THOP1: variants seen among roughly 807,000 people sequenced by gnomAD.
THOP1 encodes thimet oligopeptidase.
A neutral mutation model predicts 71.8 loss-of-function variants in THOP1; 49 were observed. That is an observed-to-expected ratio of 0.68 (90% confidence interval 0.54 to 0.87). The LOEUF is 0.87. Among genes scored for constraint, THOP1 ranks in the 40% least tolerant of loss-of-function variants. The pLI, the probability that THOP1 is intolerant of heterozygous loss-of-function variation, is 0.00. For missense variants in THOP1, 843 were observed against 975.6 expected (o/e 0.86, Z 1.81); for synonymous variants, 426 against 421.5 (o/e 1.01, Z -0.13).
intron 4 of THOP1, among the ~76,000 whole-genome samples, chr19:2,798,823 AG>A (rs1310456770): frequency 6.6e-6 from 1 of 152,256 alleles, no homozygotes; most frequent in East Asian, 1.9e-4. Flanking sequence ...AGCTTCCAGC[AG>A]GAGAATCTGA....
rs113493416 is a variant in THOP1 at position 2,796,236 on chromosome 19, C to T, written c.486+48C>T. ...GCTGGGCGTGGGCAATGGTCGATCC[C>T]GGGGAGTGCTGGGCACAGGGAGTGC... On this transcript the variant is annotated intron_variant, in intron 4 of 12. Transcript: ENST00000307741. 1.1e-3 allele frequency: 1,566 copies of T among 1,456,762 alleles called. 9 individuals carry two copies. The East Asian group carries it at 0.019, about 18-fold the overall frequency. 90.2% of individuals were successfully genotyped at this position (1,456,762 alleles called of 1,614,324 possible). A position where few individuals can be genotyped will look rare whatever the true frequency, so the allele number is the denominator to read the frequency against.
rs765131589 is a variant in THOP1 at position 2,807,652 on chromosome 19, C to T, written c.1097C>T (p.Thr366Met). The change falls in exon 8 of 13, where the codon ACG becomes ATG. Residue 366 changes from threonine to methionine, a missense_variant. Physicochemically the swap from Thr to Met is moderately conservative, Grantham distance 81. Transcript: ENST00000307741. The stretch of plus-strand genomic sequence containing the variant: ...GAGTACTTCCCCGTGCAGGTGGTCA[C>T]GCACGGGCTGCTGGGCATCTACCAG... The part of the protein sequence containing the change: ...LKEYFPVQVV[T>M]HGLLGIYQEL... 6 of 1,609,046 alleles carry T rather than the reference C, an allele frequency of 3.7e-6. No homozygotes were observed. The highest frequency in any genetic ancestry group is 2.2e-5 in the East Asian group (1 of 44,790).
chr19:2,799,115 C>T (rs1482575122), intron 4 of THOP1, among the ~76,000 whole-genome samples: 1 of 152,162 alleles, frequency 6.6e-6, no homozygotes, highest in African/African-American at 2.4e-5. Context: ...TGCTTGAGCC[C>T]AGGAGTTCGA....
chr19:2,794,003 CTTT>C (rs869280337), intron 2 of THOP1, among the ~76,000 whole-genome samples: 6 of 143,332 alleles, frequency 4.2e-5, no homozygotes, highest in African/African-American at 1.5e-4. Flanking sequence ...CATTTTAAAG[CTTT>C]TTTTTTTTTC....
chr19:2,810,850 T>TTA, intron 11 of THOP1, 82 bp downstream of exon 11: 1 of 1,510,112 alleles, frequency 6.6e-7, no homozygotes, highest in Non-Finnish European at 8.9e-7. Context: ...TTGGTCCCCA[T>TTA]GCTTCACTTA....
intron 5 of THOP1, among the ~76,000 whole-genome samples, chr19:2,803,298 T>G (rs1417886465): frequency 6.6e-6 from 1 of 152,196 alleles, no homozygotes; most frequent in East Asian, 1.9e-4. Context: ...CTATTCTGTG[T>G]CTGTATATCA....
rs866756791 is a variant in THOP1 at position 2,801,044 on chromosome 19, C to A, written c.589+1253C>A. On this transcript the variant is annotated intron_variant, in intron 5 of 12. Transcript: ENST00000307741. This position sits in a 1 kb window ranked among gnomAD's most constrained non-coding sequence, Gnocchi z 5.1. ...GACTGGGCGTCCAGCTCAAATCTGC[C>A]TCCTGTGCCAGCTTTCAGGCAGTAC... Among the ~76,000 whole-genome samples the A allele has an allele frequency of 6.6e-6, 1 of 152,242 alleles. No homozygotes were observed. Among genetic ancestry groups the A allele is most frequent in the African/African-American group, 2.4e-5 (1 of 41,464 alleles).
intron 4 of THOP1, among the ~76,000 whole-genome samples, chr19:2,797,963 C>T (rs1334187885): frequency 2.0e-5 from 3 of 152,156 alleles, no homozygotes; most frequent in East Asian, 1.9e-4. Flanking sequence ...TCTCAGTACT[C>T]GGGGACTGGG....
In THOP1 at chr19:2,814,466, C is replaced by T. The variant is rs919197060; in HGVS notation, c.*1190C>T. On this transcript the variant is annotated 3_prime_UTR_variant, in exon 13 of 13. Transcript: ENST00000307741. The stretch of plus-strand genomic sequence containing the variant: ...CGAGGCCTATGGGTGGCCAGACATC[C>T]GCCTCGTCCTCACCTCCATTTGGAC... 2 of 152,358 alleles carry T rather than the reference C, an allele frequency of 1.3e-5. No individual in the cohort carries two copies. The highest frequency in any genetic ancestry group is 6.5e-5 in the Admixed American group (1 of 15,286). 9.4% of individuals were successfully genotyped at this position (152,358 alleles called of 1,614,324 possible).
chr19:2,793,502 C>T (rs1023610682), intron 2 of THOP1, among the ~76,000 whole-genome samples: 5 of 151,952 alleles, frequency 3.3e-5, no homozygotes, highest in Admixed American at 6.6e-5. Flanking sequence ...CCAGCCTGGC[C>T]AACATAGTGA....
rs139957282 is a variant in THOP1 at position 2,792,301 on chromosome 19, C to T, written c.229+1668C>T. On this transcript the variant is annotated intron_variant, in intron 2 of 12. Transcript: ENST00000307741. ...GTAGTGCAGTAGTGTGATCATGGCT[C>T]ACTGCAGCCTCCATCTCCCAGGCTC... Among the ~76,000 whole-genome samples, 24 of 152,238 alleles carry T rather than the reference C, an allele frequency of 1.6e-4. 2 individuals carry two copies. In the East Asian group the frequency reaches 4.2e-3, roughly 27 times the overall value.
At chr19:2,802,821 GT>G (rs1158380991) in intron 5 of THOP1, among the ~76,000 whole-genome samples, 1 of 152,206 alleles carries the variant, frequency 6.6e-6, no homozygotes, top group African/African-American at 2.4e-5. Context: ...TTACTGATTT[GT>G]TTCTGTCCGT....
chr19:2,790,663 CCGCAGGTGCCGA>C (rs766435300), intron 2 of THOP1, 30 bp downstream of exon 2: 2 of 1,491,868 alleles, frequency 1.3e-6, no homozygotes, highest in Non-Finnish European at 1.8e-6. Context: ...TGTGCGTGGG[CCGCAGGTGCCGA>C]GGGAGGTGGC....
At chr19:2,803,709 G>A (rs949436454) in intron 5 of THOP1, among the ~76,000 whole-genome samples, 1 of 152,160 alleles carries the variant, frequency 6.6e-6, no homozygotes, top group African/African-American at 2.4e-5. Context: ...GCAGTCACTC[G>A]GCAGACAATT....
At chr19:2,796,475 C>T (rs1916016862) in intron 4 of THOP1, among the ~76,000 whole-genome samples, 1 of 146,860 alleles carries the variant, frequency 6.8e-6, no homozygotes, top group African/African-American at 2.6e-5. Flanking sequence ...CCAGGGAGCA[C>T]TGGGCATGGG....
rs1419450880 is a variant in THOP1 at position 2,807,683 on chromosome 19, C to T, written c.1128C>T (p.Leu376=). 3 of 1,605,500 alleles carry T rather than the reference C, an allele frequency of 1.9e-6. No individual in the cohort carries two copies. In the African/African-American group the frequency reaches 4.0e-5, roughly 21 times the overall value. Residue 376 remains leucine, a synonymous_variant, in exon 8 of 13, where the codon CTC becomes CTT. Coordinates refer to ENST00000307741, the MANE Select transcript of THOP1 (RefSeq NM_003249.5). ...GGCTGCTGGGCATCTACCAGGAGCT[C>T]CTGGGGCTGGCCTTCCACCACGAGG... The part of the protein sequence containing the change: ...THGLLGIYQE[L]LGLAFHHEEG...
At chr19:2,796,225 A>T (rs191374448) in intron 4 of THOP1, 37 bp downstream of exon 4, 1 of 1,495,050 alleles carries the variant, frequency 6.7e-7, no homozygotes, top group Non-Finnish European at 9.2e-7. Flanking sequence ...GGCGTGGGCA[A>T]TGGTCGATCC....
chr19:2,813,595 A>T lies in THOP1; in HGVS notation c.*319A>T, dbSNP rs1916543142. On this transcript the variant is annotated 3_prime_UTR_variant, in exon 13 of 13. Transcript: ENST00000307741. ...ATGAGGTCATTAAAAGGAAACAGAA[A>T]AAGAGAGAGGCTCCCTGGCCTGGTC... The T allele has an allele frequency of 3.2e-6, 1 of 310,464 alleles. No individual in the cohort carries two copies. Among genetic ancestry groups the T allele is most frequent in the East Asian group, 5.3e-5 (1 of 18,752 alleles). 19.2% of individuals were successfully genotyped at this position (310,464 alleles called of 1,614,324 possible). A position where few individuals can be genotyped will look rare whatever the true frequency, so the allele number is the denominator to read the frequency against.
Position 2,794,771 on chromosome 19 carries a change from G to A in THOP1, c.237G>A (p.Arg79=). Reference sequence around the variant, plus strand: ...TGGTCTCCCCTGTTTTAGTTCAGAGGAATATCCTTGACTTCCCCCAGCATG... The same window carrying A: ...TGGTCTCCCCTGTTTTAGTTCAGAGAAATATCCTTGACTTCCCCCAGCATG... The part of the protein sequence containing the change: ...ADVEVTYTVQ[R]NILDFPQHVS... Residue 79 remains arginine, a synonymous_variant, in exon 3 of 13, where the codon AGG becomes AGA. Transcript: ENST00000307741. 1 of 1,613,278 alleles carries A rather than the reference G, an allele frequency of 6.2e-7. No homozygotes were observed. The highest frequency in any genetic ancestry group is 8.5e-7 in the Non-Finnish European group (1 of 1,179,384).
Sources: allele counts gnomAD v4.1 joint callset (sites outside exome capture counted in the v4.1 genomes callset), GRCh38; gene constraint gnomAD v4.1.1; non-coding constraint Gnocchi (gnomAD v3.1); transcripts MANE v1.5; gene names NCBI Gene and HGNC (gene_info 2026-07-23, HGNC 2026-07-21).